The following VIT variants were observed in gnomAD, a reference collection of about 807,000 sequenced individuals.
VIT encodes vitrin.
Under a neutral mutation model 78.0 loss-of-function variants are expected in VIT, and 99 were observed. That is an observed-to-expected ratio of 1.27 (90% CI 1.08 to 1.50). VIT has a LOEUF of 1.50. VIT is among the 40% of genes most tolerant of loss of function. The pLI is 0.00. For synonymous variants in VIT, 374 were observed against 334.3 expected (o/e 1.12, Z -1.29); for missense variants, 1,126 against 875.3 (o/e 1.29, Z -3.61).
At chr2:36,787,086 G>A (rs1297600442) in intron 11 of VIT, 43 bp from the exon 12 acceptor site, 6 of 1,610,162 alleles carry the variant, frequency 3.7e-6, no homozygotes, top group Non-Finnish European at 5.1e-6. Flanking sequence ...GGTAAATGCA[G>A]TGAGAGATCA....
At chr2:36,805,371 C>A in intron 13 of VIT, 67 bp from the exon 14 acceptor site, 1 of 1,472,310 alleles carries the variant, frequency 6.8e-7, no homozygotes, top group Non-Finnish European at 9.1e-7. Flanking sequence ...CTTTGTGCTG[C>A]TGTGATCTCT....
chr2:36,711,654 A>G lies in VIT; in HGVS notation c.-18-4699A>G, dbSNP rs142529663. 3.9e-3 allele frequency among the ~76,000 whole-genome samples: 600 copies of G among 152,358 alleles called. 6 individuals are homozygous for G. Among genetic ancestry groups the G allele is most frequent in the African/African-American group, 0.014 (580 of 41,578 alleles). ...TGTATCGTTGTGCCCACTACCAAAC[A>G]CTATTCCAGGCTCTAGAAACTGAAC... is the stretch of plus-strand genomic sequence containing the variant. On this transcript the variant is annotated intron_variant, in intron 1 of 15. Transcript: ENST00000379242.
intron 1 of VIT, among the ~76,000 whole-genome samples, chr2:36,701,081 T>A (rs1325630226): frequency 7.0e-6 from 1 of 143,414 alleles, no homozygotes; most frequent in African/African-American, 2.6e-5. Flanking sequence ...GAAAACATAA[T>A]TATCAAGCCA....
intron 12 of VIT, among the ~76,000 whole-genome samples, chr2:36,800,540 G>GA (rs1238928418): frequency 1.3e-5 from 2 of 152,262 alleles, no homozygotes; most frequent in South Asian, 2.1e-4. Flanking sequence ...TCACGCCCAC[G>GA]AAGTCAGCGC....
intron 15 of VIT, among the ~76,000 whole-genome samples, chr2:36,810,461 C>G (rs1435941573): frequency 3.9e-5 from 6 of 152,094 alleles, no homozygotes; most frequent in Non-Finnish European, 8.8e-5. Context: ...CAAAAAGTGT[C>G]ATAAGTTATC....
chr2:36,697,704 G>A (rs1158811156), intron 1 of VIT, among the ~76,000 whole-genome samples: 3 of 152,298 alleles, frequency 2.0e-5, no homozygotes. Flanking sequence ...AAAGAGAGAG[G>A]ATAAGACTGA....
chr2:36,809,594 T>A (rs1337486873), intron 15 of VIT, among the ~76,000 whole-genome samples: 1 of 152,102 alleles, frequency 6.6e-6, no homozygotes, highest in Non-Finnish European at 1.5e-5. Flanking sequence ...ATTTTTGTAT[T>A]TTTAGTAGAG....
chr2:36,799,633 C>A (rs1012931857), intron 12 of VIT, among the ~76,000 whole-genome samples: 2 of 151,022 alleles, frequency 1.3e-5, no homozygotes. Context: ...TGGGAGGATG[C>A]TTGAGCCCAG....
chr2:36,754,888 T>C (rs777580832), intron 4 of VIT, 33 bp from the exon 5 acceptor site: 17 of 1,600,316 alleles, frequency 1.1e-5, no homozygotes, highest in Non-Finnish European at 1.4e-5. Flanking sequence ...ATATTTCTGT[T>C]CTTTCCTGAA....
At chr2:36,744,309 CT>C (rs1281932916) in intron 4 of VIT, among the ~76,000 whole-genome samples, 1 of 152,080 alleles carries the variant, frequency 6.6e-6, no homozygotes, top group Non-Finnish European at 1.5e-5. Context: ...ATTTATTTTC[CT>C]TTTGGTATAT....
At chr2:36,721,774 C>T (rs1666527942) in intron 2 of VIT, among the ~76,000 whole-genome samples, 1 of 152,186 alleles carries the variant, frequency 6.6e-6, no homozygotes, top group Admixed American at 6.5e-5. Flanking sequence ...GAATGCTCTT[C>T]CTCTCACTTC....
At chr2:36,742,413 C>T (rs1425828870) in intron 3 of VIT, among the ~76,000 whole-genome samples, 3 of 152,124 alleles carry the variant, frequency 2.0e-5, no homozygotes, top group Non-Finnish European at 4.4e-5. Flanking sequence ...TTCCATCAAG[C>T]GTTCAGGCAG....
At chr2:36,786,043 A>G (rs1040174562) in intron 11 of VIT, among the ~76,000 whole-genome samples, 4 of 152,278 alleles carry the variant, frequency 2.6e-5, no homozygotes, top group Admixed American at 6.5e-5. Context: ...CGTGGAGAAC[A>G]TGGGTGGTTG....
chr2:36,777,567 G>A (rs1446747153), intron 9 of VIT, among the ~76,000 whole-genome samples: 2 of 152,054 alleles, frequency 1.3e-5, no homozygotes, highest in African/African-American at 4.8e-5. Context: ...ACTTCCATTT[G>A]GGGTAAGGCT....
chr2:36,814,302 T>A lies in VIT; in HGVS notation c.2023T>A (p.Tyr675Asn). ...GGACGAGTTTGACAACCTCCATCAG[T>A]ATGTCCCCAGGATCATCCAGAACAT... ...FVDEFDNLHQ[Y>N]VPRIIQNICT... The change falls in exon 16 of 16, where the codon TAT (tyrosine) becomes AAT (asparagine). Residue 675 changes from tyrosine to asparagine, a missense_variant. Physicochemically the swap from Tyr to Asn is moderately radical, Grantham distance 143. Coordinates refer to ENST00000379242, the MANE Select transcript of VIT (RefSeq NM_053276.4). 1 of 1,614,206 alleles carries A rather than the reference T, an allele frequency of 6.2e-7. No individual in the cohort carries two copies. Among genetic ancestry groups the A allele is most frequent in the South Asian group, 1.1e-5 (1 of 91,084 alleles).
At chr2:36,737,776 G>C (rs1035726409) in intron 3 of VIT, among the ~76,000 whole-genome samples, 1 of 152,198 alleles carries the variant, frequency 6.6e-6, no homozygotes, top group South Asian at 2.1e-4. Flanking sequence ...TCTTGGGTAG[G>C]TTTATGTGTA....
rs1388573278 is a variant in VIT, at chr2:36,805,658, A to C, written c.1383A>C (p.Ala461=). Residue 461 remains alanine, a synonymous_variant, in exon 14 of 16, where the codon GCA becomes GCC. Coordinates refer to ENST00000379242, the MANE Select transcript of VIT (RefSeq NM_053276.4). The part of the protein sequence containing the change: ...EKQYVVEPNF[A]NKAVCRTNGF... ...AGTATGTGGTGGAGCCCAACTTTGC[A>C]AACAAGGTAGATGACTGCCCGGAGA... 6.2e-7 allele frequency: 1 copy of C among 1,613,138 alleles called. No homozygotes were observed. The highest frequency in any genetic ancestry group is 1.7e-5 in the Admixed American group (1 of 59,984).
At chr2:36,726,963 G>T (rs1666895114) in intron 2 of VIT, among the ~76,000 whole-genome samples, 1 of 151,978 alleles carries the variant, frequency 6.6e-6, no homozygotes, top group South Asian at 2.1e-4. Flanking sequence ...GCTTGAAAAG[G>T]AACCAGACTT....
intron 5 of VIT, among the ~76,000 whole-genome samples, chr2:36,756,421 G>C (rs1253443241): frequency 6.6e-6 from 1 of 152,148 alleles, no homozygotes; most frequent in African/African-American, 2.4e-5. Context: ...GTCACTTATA[G>C]AAAACTAGCT....
Sources: allele counts gnomAD v4.1 joint callset (sites outside exome capture counted in the v4.1 genomes callset), GRCh38; gene constraint gnomAD v4.1.1; transcripts MANE v1.5; gene names NCBI Gene and HGNC (gene_info 2026-07-23, HGNC 2026-07-21).